Variants in ASPG observed in about 807,000 individuals in gnomAD.
ASPG encodes 60 kDa lysophospholipase.
ASPG carries 53 observed loss-of-function variants against 63.2 expected under a neutral mutation model. That is an observed-to-expected ratio of 0.84 (90% confidence interval 0.67 to 1.05). The LOEUF is 1.05. Among genes scored for constraint, ASPG ranks in the 50% least tolerant of loss-of-function variants. ASPG has a pLI of 0.00. For missense variants in ASPG, 741 were observed against 794.4 expected, an observed-to-expected ratio of 0.93 and a Z score of 0.81; for synonymous variants, 370 against 355.0, an observed-to-expected ratio of 1.04 and a Z score of -0.48.
rs201263343 is a variant in ASPG at position 104,085,812 on chromosome 14, C to G, written c.42C>G (p.Val14=). The G allele has an allele frequency of 1.6e-3, 2,599 of 1,591,048 alleles. 11 individuals carry two copies. Among genetic ancestry groups the G allele is most frequent in the South Asian group, 2.9e-3 (258 of 89,488 alleles). Residue 14 remains valine (V), a synonymous_variant, in exon 1 of 16, where the codon GTC becomes GTG. Coordinates refer to ENST00000551177, the MANE Select transcript of ASPG (RefSeq NM_001080464.3). ...AVGPERRLLA[V]YTGGTIGMRS... ...GGCCCGAGCGGAGGCTGCTGGCCGTCTACACCGGCGGCACCATTGGCATGC... is the reference window on the plus strand; with the variant it reads ...GGCCCGAGCGGAGGCTGCTGGCCGTGTACACCGGCGGCACCATTGGCATGC...
chr14:104,106,325 T>G (rs2037125937), intron 10 of ASPG, among the ~76,000 whole-genome samples: 1 of 152,220 alleles, frequency 6.6e-6, no homozygotes. Context: ...CCGCGGCCTT[T>G]TGGCGTCTTG....
chr14:104,113,896 G>A lies in ASPG; in HGVS notation c.*1352G>A, dbSNP rs1038529361. The A allele has an allele frequency of 2.0e-5, 3 of 152,374 alleles. No homozygotes were observed. Among genetic ancestry groups the A allele is most frequent in the Non-Finnish European group, 4.4e-5 (3 of 68,154 alleles). 9.4% of individuals were successfully genotyped at this position (152,374 alleles called of 1,614,324 possible). On this transcript the variant is annotated 3_prime_UTR_variant, in exon 16 of 16. Coordinates refer to ENST00000551177, the MANE Select transcript of ASPG (RefSeq NM_001080464.3). Reference sequence around the variant, plus strand: ...AGGGAGGGTGGCACCGGGCCCCAGAGCCAGGAGCCCCTGCTGTCCCCGGAT... The same window carrying A: ...AGGGAGGGTGGCACCGGGCCCCAGAACCAGGAGCCCCTGCTGTCCCCGGAT...
At position 104,112,578 on chromosome 14, in the gene ASPG, C is replaced by A. The variant is rs1226161978; in HGVS notation, c.*34C>A. The A allele has an allele frequency of 3.1e-6, 5 of 1,608,074 alleles. No individual in the cohort carries two copies. Among genetic ancestry groups the A allele is most frequent in the Non-Finnish European group, 4.2e-6 (5 of 1,178,456 alleles). On this transcript the variant is annotated 3_prime_UTR_variant, in exon 16 of 16. Coordinates refer to ENST00000551177, the MANE Select transcript of ASPG (RefSeq NM_001080464.3). ...CGTCCTGCTGCAGTATAAGCCATTC[C>A]TTCCTCCCATGACCTGCTGGAGGGG...
chr14:104,104,116 G>T (rs1357729614), intron 7 of ASPG, among the ~76,000 whole-genome samples, 188 bp from the exon 8 acceptor site: 1 of 152,218 alleles, frequency 6.6e-6, no homozygotes, highest in Non-Finnish European at 1.5e-5. Context: ...GGAGAATGTG[G>T]GGGGAGCAGC....
In ASPG at chr14:104,105,339, G is replaced by C; in HGVS notation, c.1062G>C (p.Lys354Asn). 1 of 1,612,676 alleles carries C rather than the reference G, an allele frequency of 6.2e-7. No homozygotes were observed. The highest frequency in any genetic ancestry group is 8.5e-7 in the Non-Finnish European group (1 of 1,179,778). Residue 354 changes from lysine to asparagine, a missense_variant, in exon 10 of 16, where the codon AAG becomes AAC. Physicochemically the swap from Lys to Asn is moderately conservative, Grantham distance 94. Coordinates refer to ENST00000551177, the MANE Select transcript of ASPG (RefSeq NM_001080464.3). ...GTTCTCTCCACCAGCTGCTGACCAAGGACCTTCGGGGGGAGATGACGCCAC... is the reference window on the plus strand; with the variant it reads ...GTTCTCTCCACCAGCTGCTGACCAACGACCTTCGGGGGGAGATGACGCCAC... ...SLDVRKELLT[K>N]DLRGEMTPPS...
At position 104,105,521 on chromosome 14, in the gene ASPG, C is replaced by A. The variant is rs1383846705; in HGVS notation, c.1173+71C>A. 7 of 1,470,976 alleles carry A rather than the reference C, an allele frequency of 4.8e-6. No individual in the cohort carries two copies. In the African/African-American group the frequency reaches 8.5e-5, roughly 18 times the overall value. 91.1% of individuals were successfully genotyped at this position (1,470,976 alleles called of 1,614,324 possible). A position where few individuals can be genotyped will look rare whatever the true frequency, so the allele number is the denominator to read the frequency against. On this transcript the variant is annotated intron_variant, in intron 10 of 15. Transcript: ENST00000551177. ...ACCCTCTTGGTCACCCTGGGATGCA[C>A]CAGGCAGGCACGAGCCCCTGTAGCC...
chr14:104,090,483 C>T (rs981445666), intron 1 of ASPG, among the ~76,000 whole-genome samples: 3 of 152,244 alleles, frequency 2.0e-5, no homozygotes, highest in South Asian at 2.1e-4. Flanking sequence ...TTCTGGAGGC[C>T]GAGGCCTGAG....
Position 104,111,996 on chromosome 14 carries a change from GC to G in ASPG, c.1700del (p.Pro567GlnfsTer23). ...GGTGCGGTTGGTGCCCAGGCCCCAT[GC>G]CCAGTAAGTCCCCACCCCAGGCGGG... Reference protein sequence around the residue: ...LEGAVGAQAPCPEVLPGV With the variant: ...LEGAVGAQAPXPEVLPGV On this transcript the variant is annotated frameshift_variant, in exon 15 of 16. Transcript: ENST00000551177. LOFTEE classifies it high-confidence loss of function. 6.4e-7 allele frequency: 1 copy of G among 1,553,676 alleles called. No individual in the cohort carries two copies. Among genetic ancestry groups the G allele is most frequent in the Non-Finnish European group, 8.7e-7 (1 of 1,148,278 alleles).
In ASPG at chr14:104,110,849, G is replaced by A; in HGVS notation, c.1521-653G>A. 1.0e-6 allele frequency: 1 copy of A among 985,394 alleles called. No individual in the cohort carries two copies. The highest frequency in any genetic ancestry group is 1.2e-6 in the Non-Finnish European group (1 of 829,910). 61.0% of individuals were successfully genotyped at this position (985,394 alleles called of 1,614,324 possible). On this transcript the variant is annotated intron_variant, in intron 13 of 15. Coordinates refer to ENST00000551177, the MANE Select transcript of ASPG (RefSeq NM_001080464.3). This position sits in a 1 kb window ranked among gnomAD's most constrained non-coding sequence, Gnocchi z 4.7. ...CCAGGTGGCGAGTGAGTTCTTCCCAGGAGGGTGGCAGGGTGAGGAGGAGCT... is the reference window on the plus strand; with the variant it reads ...CCAGGTGGCGAGTGAGTTCTTCCCAAGAGGGTGGCAGGGTGAGGAGGAGCT...
At chr14:104,106,963 C>A in intron 11 of ASPG, 69 bp downstream of exon 11, 1 of 1,461,048 alleles carries the variant, frequency 6.8e-7, no homozygotes, top group Non-Finnish European at 9.3e-7. Flanking sequence ...ACCCTGTAGG[C>A]AGGACGGCCT....
intron 10 of ASPG, among the ~76,000 whole-genome samples, chr14:104,106,453 G>T (rs1313137140): frequency 6.6e-6 from 1 of 152,194 alleles, no homozygotes; most frequent in African/African-American, 2.4e-5. Context: ...CTCTCCTTAT[G>T]TGGGTGACCA....
chr14:104,100,321 G>A (rs546341988), intron 6 of ASPG, among the ~76,000 whole-genome samples: 1 of 152,120 alleles, frequency 6.6e-6, no homozygotes, highest in Non-Finnish European at 1.5e-5. Flanking sequence ...CTGTGGGGCC[G>A]TCAGCAGAAG....
chr14:104,093,606 G>A lies in ASPG; in HGVS notation c.303+4G>A. 6.3e-7 allele frequency: 1 copy of A among 1,590,338 alleles called. No homozygotes were observed. The highest frequency in any genetic ancestry group is 8.6e-7 in the Non-Finnish European group (1 of 1,166,588). On this transcript the variant is annotated splice_donor_region_variant and intron_variant, in intron 3 of 15. Transcript: ENST00000551177. ...TTGCCTTGCCCAGACCATCAAGGTA[G>A]TGGGGCTGGGGAATGCTGGGTGGGG... is the stretch of plus-strand genomic sequence containing the variant.
rs1407127778 is a variant in ASPG at position 104,104,505 on chromosome 14, G to A, written c.936+19G>A. The A allele has an allele frequency of 5.0e-6, 8 of 1,608,064 alleles. No individual in the cohort carries two copies. The highest frequency in any genetic ancestry group is 6.8e-6 in the Non-Finnish European group (8 of 1,176,704). On this transcript the variant is annotated intron_variant, in intron 8 of 15. Transcript: ENST00000551177. ...TGGCATGGTAGTGCCGGGAGATCAG[G>A]GCCTAGCGGGGAAGGGGACAGCCTG...
At chr14:104,103,244 C>T (rs1298418603) in intron 6 of ASPG, among the ~76,000 whole-genome samples, 2 of 152,232 alleles carry the variant, frequency 1.3e-5, no homozygotes, top group African/African-American at 2.4e-5. Flanking sequence ...TCCTGCCCCT[C>T]GCCTGGCCAG....
chr14:104,104,590 G>A (rs922926839), intron 8 of ASPG, 32 bp from the exon 9 acceptor site: 11 of 1,584,470 alleles, frequency 6.9e-6, no homozygotes, highest in East Asian at 6.8e-5. Context: ...GTGGTGAGTC[G>A]CCCTTCCTGC....
chr14:104,093,285 C>G, intron 2 of ASPG: 1 of 638,530 alleles, frequency 1.6e-6, no homozygotes, highest in Non-Finnish European at 2.8e-6. Flanking sequence ...CCATCCTGAC[C>G]TACGTCCTTG....
In ASPG at chr14:104,112,345, A is replaced by T. The variant is rs117425092; in HGVS notation, c.1702-179A>T. On this transcript the variant is annotated intron_variant, in intron 15 of 15. Coordinates refer to ENST00000551177, the MANE Select transcript of ASPG (RefSeq NM_001080464.3). ...GGCTGGGTGCTTCCGCTTGTCTCCCAGGCCAGTTCCCAGCTGACACCCCCA... is the reference window on the plus strand; with the variant it reads ...GGCTGGGTGCTTCCGCTTGTCTCCCTGGCCAGTTCCCAGCTGACACCCCCA... Among the ~76,000 whole-genome samples, 2,071 of 151,012 alleles carry T rather than the reference A, an allele frequency of 0.014. 12 individuals carry two copies. Among genetic ancestry groups the T allele is most frequent in the Non-Finnish European group, 0.017 (1,177 of 67,694 alleles).
rs1239471640 is a variant in ASPG at position 104,104,699 on chromosome 14, G to A, written c.1014G>A (p.Leu338=). 9.3e-6 allele frequency: 15 copies of A among 1,607,442 alleles called. No homozygotes were observed. The highest frequency in any genetic ancestry group is 1.2e-5 in the Non-Finnish European group (14 of 1,176,360). The change falls in exon 9 of 16, where the codon CTG becomes CTA. Residue 338 remains leucine, a synonymous_variant. Coordinates refer to ENST00000551177, the MANE Select transcript of ASPG (RefSeq NM_001080464.3). ...CCCTGGCCAAGCTATCGTATGTGCT[G>A]GGCCAGCCAGGGCTGAGCCTGGATG... ...EAALAKLSYV[L]GQPGLSLDVR... is the part of the protein sequence containing the mutation.
Sources: allele counts gnomAD v4.1 joint callset (sites outside exome capture counted in the v4.1 genomes callset), GRCh38; gene constraint gnomAD v4.1.1; non-coding constraint Gnocchi (gnomAD v3.1); transcripts MANE v1.5; gene names NCBI Gene and HGNC (gene_info 2026-07-23, HGNC 2026-07-21).